Variants in HACE1 observed in about 807,000 individuals in gnomAD.
HACE1 encodes the protein E3 ubiquitin-protein ligase HACE1.
Under a neutral mutation model 118.4 loss-of-function variants are expected in HACE1, and 73 were observed. The observed-to-expected ratio is 0.62, with a 90% CI of 0.51 to 0.75. The LOEUF is 0.75. Ranked by LOEUF, HACE1 falls within the 30% of genes least tolerant of loss-of-function variation. The pLI, the probability that HACE1 is intolerant of heterozygous loss-of-function variation, is 0.00. For synonymous variants in HACE1, 368 were observed against 374.8 expected (o/e 0.98, Z 0.21); for missense variants, 749 against 1,102.2 (o/e 0.68, Z 4.54).
intron 6 of HACE1, among the ~76,000 whole-genome samples, chr6:104,827,453 CA>C (rs1391931689): frequency 6.6e-6 from 1 of 152,152 alleles, no homozygotes; most frequent in Non-Finnish European, 1.5e-5. Context: ...TGTCCACCTT[CA>C]CCTATTGAGA....
chr6:104,813,743 C>T (rs1004239434), intron 6 of HACE1, among the ~76,000 whole-genome samples: 1 of 138,116 alleles, frequency 7.2e-6, no homozygotes, highest in African/African-American at 2.9e-5. Flanking sequence ...CTCACCATTA[C>T]ACATGAATGA....
intron 6 of HACE1, among the ~76,000 whole-genome samples, chr6:104,832,506 AC>A (rs1359990095): frequency 6.6e-6 from 1 of 151,962 alleles, no homozygotes; most frequent in Non-Finnish European, 1.5e-5. Context: ...CAATTCTCCC[AC>A]TTCAGCCTCC....
At chr6:104,786,128 A>T (rs1427813324) in intron 11 of HACE1, 6 of 152,062 alleles carry the variant, frequency 3.9e-5, no homozygotes, top group African/African-American at 1.4e-4. Context: ...TGAGGTCAGG[A>T]ATTCGAGATC....
chr6:104,740,172 GTA>G (rs1776477455), intron 22 of HACE1, among the ~76,000 whole-genome samples: 2 of 145,072 alleles, frequency 1.4e-5, no homozygotes, highest in South Asian at 4.4e-4. Flanking sequence ...AAAGCAGTGT[GTA>G]GAGGGAAATT....
intron 23 of HACE1, 140 bp downstream of exon 23, chr6:104,730,163 T>C (rs897533683): frequency 4.4e-6 from 3 of 677,498 alleles, no homozygotes; most frequent in Admixed American, 2.1e-5. Context: ...AACTACATAA[T>C]TACTCATCAG....
At chr6:104,741,253 A>C (rs1414467970) in intron 22 of HACE1, among the ~76,000 whole-genome samples, 1 of 112,740 alleles carries the variant, frequency 8.9e-6, no homozygotes, top group Non-Finnish European at 1.7e-5. Context: ...CTGGCACAAG[A>C]CAGGGACGCC....
intron 1 of HACE1, among the ~76,000 whole-genome samples, chr6:104,856,156 G>A (rs1776694093): frequency 6.6e-6 from 1 of 152,048 alleles, no homozygotes. Context: ...AGTCTCCAGG[G>A]TGACAAGAAA....
At chr6:104,843,944 C>T (rs1775361033) in intron 4 of HACE1, among the ~76,000 whole-genome samples, 1 of 151,748 alleles carries the variant, frequency 6.6e-6, no homozygotes, top group Non-Finnish European at 1.5e-5. Context: ...ACAACATCTG[C>T]CTCCCGGGTT....
At chr6:104,772,186 A>G in intron 17 of HACE1, 112 bp from the exon 18 acceptor site, 2 of 651,642 alleles carry the variant, frequency 3.1e-6, no homozygotes, top group Non-Finnish European at 5.4e-6. Flanking sequence ...CTAAGGTTAC[A>G]TTATGTATAA....
chr6:104,780,189 T>C (rs1781582113), intron 14 of HACE1, among the ~76,000 whole-genome samples: 1 of 152,126 alleles, frequency 6.6e-6, no homozygotes, highest in Non-Finnish European at 1.5e-5. Flanking sequence ...CTATGAAATG[T>C]GAACCAAGAA....
At chr6:104,778,155 T>C (rs960221740) in intron 14 of HACE1, among the ~76,000 whole-genome samples, 1 of 152,160 alleles carries the variant, frequency 6.6e-6, no homozygotes, top group African/African-American at 2.4e-5. Context: ...CCCTAAAAAT[T>C]GAAGAATAAG....
At chr6:104,743,916 G>A (rs533959182) in intron 22 of HACE1, among the ~76,000 whole-genome samples, 3 of 151,950 alleles carry the variant, frequency 2.0e-5, no homozygotes, top group Non-Finnish European at 4.4e-5. Context: ...AAATTATAAA[G>A]TACAATATAC....
At chr6:104,786,629 CAAACAAAA>C (rs1782445024) in intron 11 of HACE1, 2 of 134,822 alleles carry the variant, frequency 1.5e-5, no homozygotes, top group African/African-American at 5.7e-5. Flanking sequence ...AACAAACAAA[CAAACAAAA>C]AAAAAAACCT....
At chr6:104,822,501 T>A (rs1334921045) in intron 6 of HACE1, among the ~76,000 whole-genome samples, 3 of 151,732 alleles carry the variant, frequency 2.0e-5, no homozygotes, top group Admixed American at 2.0e-4. Context: ...TACAGTGAGC[T>A]ATGATCACAC....
chr6:104,734,592 T>C (rs1397223399), intron 22 of HACE1, among the ~76,000 whole-genome samples: 4 of 152,036 alleles, frequency 2.6e-5, no homozygotes. Flanking sequence ...AATTCTTCAA[T>C]CCAAGGGTGA....
rs1562471383 is a variant in HACE1, at chr6:104,831,988, A to AAGAGAATAGAAGAGAAGAG, written c.534+1053_534+1054insCTCTTCTCTTCTATTCTCT. Among the ~76,000 whole-genome samples the AAGAGAATAGAAGAGAAGAG allele has an allele frequency of 5.6e-5, 3 of 53,880 alleles. No individual in the cohort carries two copies. In the South Asian group the frequency reaches 2.4e-3, roughly 43 times the overall value. 35.3% of individuals were successfully genotyped at this position (53,880 alleles called of 152,430 possible). On this transcript the variant is annotated intron_variant, in intron 6 of 23. Transcript: ENST00000262903. ...GAGAAGAGAAGAGAAGAGAGGAAGG[A>AAGAGAATAGAAGAGAAGAG]AGGAAGGAAGGAAGGAAGGAAGGAA...
At chr6:104,737,280 CTCAAAAA>C (rs1231112359) in intron 22 of HACE1, among the ~76,000 whole-genome samples, 1 of 79,774 alleles carries the variant, frequency 1.3e-5, no homozygotes, top group African/African-American at 5.6e-5. Context: ...GAGACTCTCT[CTCAAAAA>C]AAAAAAAAAA....
chr6:104,741,396 T>C (rs1776668649), intron 22 of HACE1, among the ~76,000 whole-genome samples: 1 of 151,430 alleles, frequency 6.6e-6, no homozygotes, highest in South Asian at 2.1e-4. Flanking sequence ...GACATGATTG[T>C]ATATTTAGAA....
At chr6:104,849,749 C>T (rs1033012398) in intron 3 of HACE1, among the ~76,000 whole-genome samples, 52 of 150,072 alleles carry the variant, frequency 3.5e-4, no homozygotes, top group Non-Finnish European at 6.7e-4. Context: ...CCCGGGTTCA[C>T]GCCATTCTCC....
Sources: allele counts gnomAD v4.1 joint callset (sites outside exome capture counted in the v4.1 genomes callset), GRCh38; gene constraint gnomAD v4.1.1; transcripts MANE v1.5; gene names NCBI Gene and HGNC (gene_info 2026-07-23, HGNC 2026-07-21).